The following SSBP3 variants were observed in gnomAD, a reference collection of about 807,000 sequenced individuals.
The protein encoded by SSBP3 is single-stranded DNA-binding protein 3.
A neutral mutation model predicts 69.6 loss-of-function variants in SSBP3; 5 were observed. The observed-to-expected ratio is 0.07, with a 90% confidence interval of 0.04 to 0.15. The LOEUF (loss-of-function observed/expected upper bound fraction) is 0.15, where lower values mean the gene tolerates loss of function less well. Among genes scored for constraint, SSBP3 ranks in the 10% least tolerant of loss-of-function variants. The pLI is 1.00. For missense variants in SSBP3, 312 were observed against 534.0 expected, an observed-to-expected ratio of 0.58 and a Z score of 4.10; for synonymous variants, 196 against 193.4, an observed-to-expected ratio of 1.01 and a Z score of -0.11.
chr1:54,245,934 C>G (rs1354984011), intron 9 of SSBP3, among the ~76,000 whole-genome samples: 1 of 152,194 alleles, frequency 6.6e-6, no homozygotes, highest in Non-Finnish European at 1.5e-5. Context: ...GTCACAATGA[C>G]CCCTTTCCTC....
At chr1:54,333,453 C>T (rs538469547) in intron 4 of SSBP3, among the ~76,000 whole-genome samples, 20 of 152,300 alleles carry the variant, frequency 1.3e-4, no homozygotes, top group African/African-American at 4.3e-4. Context: ...CCTGACTCTC[C>T]GTAAGGCTGC....
At chr1:54,265,119 T>C (rs768016472) in intron 5 of SSBP3, among the ~76,000 whole-genome samples, 1 of 152,164 alleles carries the variant, frequency 6.6e-6, no homozygotes, top group African/African-American at 2.4e-5. Flanking sequence ...TCAGGTGCCA[T>C]GGACATCCGG....
At chr1:54,411,032 C>T (rs908534381), upstream of SSBP3, among the ~76,000 whole-genome samples, 6 of 152,188 alleles carry the variant, frequency 3.9e-5, no homozygotes, top group African/African-American at 9.7e-5. Flanking sequence ...TGTCTTCCAA[C>T]GGACACATAC....
chr1:54,298,018 G>A (rs1051345082), intron 4 of SSBP3, among the ~76,000 whole-genome samples: 1 of 152,178 alleles, frequency 6.6e-6, no homozygotes, highest in Non-Finnish European at 1.5e-5. Flanking sequence ...TGGGCCAGAT[G>A]CGCAGGCCTC....
chr1:54,338,460 T>TC (rs1646548573), intron 4 of SSBP3, among the ~76,000 whole-genome samples: 1 of 152,146 alleles, frequency 6.6e-6, no homozygotes, highest in South Asian at 2.1e-4. Context: ...CGCCTATGCT[T>TC]CCCGCCCTCT....
intron 4 of SSBP3, among the ~76,000 whole-genome samples, chr1:54,283,269 T>C: frequency 3.5e-5 from 2 of 57,842 alleles, no homozygotes; most frequent in Non-Finnish European, 6.0e-5. Context: ...ACTCCCCATC[T>C]CATAAAAAAA....
chr1:54,239,283 T>G, intron 13 of SSBP3, 84 bp from the exon 14 acceptor site: 1 of 1,120,970 alleles, frequency 8.9e-7, no homozygotes, highest in Non-Finnish European at 1.3e-6. Flanking sequence ...AACTCATTCT[T>G]TTGTATTTTA....
At chr1:54,296,555 C>G (rs1191919549) in intron 4 of SSBP3, among the ~76,000 whole-genome samples, 1 of 152,208 alleles carries the variant, frequency 6.6e-6, no homozygotes, top group African/African-American at 2.4e-5. Context: ...GGCCTCCGGT[C>G]CATACACCAG....
rs1644326688 is a variant in SSBP3, at chr1:54,228,514, T to TGCTC, written c.1007-41_1007-38dup. ...AAATAATCCAATTCAGTTTCTTGCTTGCTCTTCCACGGAGGGGTCTCCCCT... is the reference window on the plus strand; with the variant it reads ...AAATAATCCAATTCAGTTTCTTGCTTGCTCGCTCTTCCACGGAGGGGTCTCCCCT... On this transcript the variant is annotated intron_variant, in intron 15 of 17. Transcript: ENST00000610401. 9 of 1,613,746 alleles carry TGCTC rather than the reference T, an allele frequency of 5.6e-6. No homozygotes were observed. The East Asian group carries it at 2.0e-4, about 36-fold the overall frequency.
intron 5 of SSBP3, among the ~76,000 whole-genome samples, chr1:54,264,562 A>G (rs1645068801): frequency 6.6e-6 from 1 of 152,190 alleles, no homozygotes; most frequent in African/African-American, 2.4e-5. Flanking sequence ...CCTGTGCTGA[A>G]GGCACTGGTC....
At chr1:54,411,972 A>G (rs1022312714) in intron 1 of SSBP3, among the ~76,000 whole-genome samples, 4 of 151,022 alleles carry the variant, frequency 2.6e-5, no homozygotes, top group African/African-American at 9.7e-5. Context: ...CACTCCCCCA[A>G]CTCCACCTCA....
chr1:54,235,679 C>T (rs1467063387), intron 14 of SSBP3, among the ~76,000 whole-genome samples: 1 of 151,874 alleles, frequency 6.6e-6, no homozygotes, highest in Non-Finnish European at 1.5e-5. Context: ...AACTCCTGAC[C>T]TCAAGTGATC....
chr1:54,375,759 C>A (rs190960017), intron 4 of SSBP3, among the ~76,000 whole-genome samples: 1 of 152,224 alleles, frequency 6.6e-6, no homozygotes, highest in African/African-American at 2.4e-5. Context: ...ACAGCCAGAG[C>A]CTTCCTCTGG....
intron 4 of SSBP3, among the ~76,000 whole-genome samples, chr1:54,336,299 G>GC (rs1646506614): frequency 6.6e-6 from 1 of 152,174 alleles, no homozygotes; most frequent in African/African-American, 2.4e-5. Context: ...GACTAACATG[G>GC]CCCCCCACGT....
At chr1:54,257,065 A>G (rs1644934713) in intron 7 of SSBP3, 62 bp downstream of exon 7, 2 of 1,519,386 alleles carry the variant, frequency 1.3e-6, no homozygotes, top group Non-Finnish European at 1.8e-6. Flanking sequence ...TTTTGTGTCA[A>G]AGTCCACCTA....
At chr1:54,375,721 T>C (rs1647209828) in intron 4 of SSBP3, among the ~76,000 whole-genome samples, 1 of 152,200 alleles carries the variant, frequency 6.6e-6, no homozygotes, top group South Asian at 2.1e-4. Flanking sequence ...GCCATCTATG[T>C]AAAGTAACAG....
intron 4 of SSBP3, among the ~76,000 whole-genome samples, chr1:54,359,700 T>C (rs1416140852): frequency 6.6e-6 from 1 of 152,134 alleles, no homozygotes; most frequent in African/African-American, 2.4e-5. Flanking sequence ...AGCTGTTATG[T>C]AAAAACTCCA....
intron 4 of SSBP3, among the ~76,000 whole-genome samples, chr1:54,338,426 C>G (rs970568890): frequency 6.6e-6 from 1 of 152,134 alleles, no homozygotes; most frequent in East Asian, 1.9e-4. Context: ...AATAAATAAC[C>G]AAAGTGATGA....
chr1:54,243,382 T>TA (rs1644676630), intron 9 of SSBP3, 83 bp from the exon 10 acceptor site: 2 of 1,477,810 alleles, frequency 1.4e-6, no homozygotes, highest in African/African-American at 2.8e-5. Context: ...AGACAAAACA[T>TA]AGTGAGAGGG....
Sources: allele counts gnomAD v4.1 joint callset (sites outside exome capture counted in the v4.1 genomes callset), GRCh38; gene constraint gnomAD v4.1.1; transcripts MANE v1.5; gene names NCBI Gene and HGNC (gene_info 2026-07-23, HGNC 2026-07-21).